The following EOGT variants were observed in gnomAD, a reference collection of about 807,000 sequenced individuals.
EOGT encodes the protein EGF domain-specific O-linked N-acetylglucosamine transferase.
A neutral mutation model predicts 70.5 loss-of-function variants in EOGT; 55 were observed. The observed-to-expected ratio is 0.78, with a 90% confidence interval of 0.63 to 0.98. The LOEUF (loss-of-function observed/expected upper bound fraction) is 0.98, where lower values mean the gene tolerates loss of function less well. Ranked by LOEUF, EOGT falls within the 50% of genes least tolerant of loss-of-function variation. EOGT has a pLI of 0.00. For missense variants in EOGT, 703 were observed against 641.9 expected, an observed-to-expected ratio of 1.10 and a Z score of -1.03; for synonymous variants, 246 against 217.1, an observed-to-expected ratio of 1.13 and a Z score of -1.17.
At chr3:69,000,903 T>C (rs993253470) in intron 9 of EOGT, among the ~76,000 whole-genome samples, 3 of 152,168 alleles carry the variant, frequency 2.0e-5, no homozygotes, top group African/African-American at 2.4e-5. Context: ...AGAAAGTTTG[T>C]CAGCGCAGGT....
At chr3:68,987,783 T>C in intron 13 of EOGT, 1 of 493,934 alleles carries the variant, frequency 2.0e-6, no homozygotes, top group Non-Finnish European at 3.6e-6. Context: ...TACATGAACA[T>C]TTGGGGAGGT....
At chr3:69,002,585 A>G (rs1351826924) in intron 8 of EOGT, among the ~76,000 whole-genome samples, 1 of 151,842 alleles carries the variant, frequency 6.6e-6, no homozygotes, top group Non-Finnish European at 1.5e-5. Context: ...GTAGATCATT[A>G]TTCTGAATGA....
intron 10 of EOGT, among the ~76,000 whole-genome samples, chr3:68,994,313 T>C (rs552981927): frequency 2.0e-5 from 3 of 152,134 alleles, no homozygotes; most frequent in African/African-American, 7.2e-5. Context: ...TCCTGGACTT[T>C]AGCCTGGGTG....
chr3:68,992,568 G>A (rs998688371), intron 10 of EOGT, among the ~76,000 whole-genome samples: 5 of 152,092 alleles, frequency 3.3e-5, no homozygotes, highest in Non-Finnish European at 5.9e-5. Context: ...GAGTGTCTGC[G>A]GCTCTTCCAG....
chr3:69,010,829 T>C (rs375444485), intron 3 of EOGT, among the ~76,000 whole-genome samples: 55 of 152,310 alleles, frequency 3.6e-4, no homozygotes, highest in African/African-American at 1.3e-3. Context: ...TAAAAAATTA[T>C]AATCATAATC....
At chr3:68,978,581 G>A in intron 16 of EOGT, 146 bp from the exon 17 acceptor site, 1 of 561,334 alleles carries the variant, frequency 1.8e-6, no homozygotes, top group Non-Finnish European at 3.1e-6. Context: ...ACAAGACTGA[G>A]GAAGAGAATG....
In EOGT at chr3:69,011,193, C is replaced by CTTTTTTT. The variant is rs57904466; in HGVS notation, c.-15+736_-15+742dup. ...AGGTCACTTTAGTGGGATCTTTGTT[C>CTTTTTTT]TTTTTTTTTTTTTAAGTGCTCTTTC... On this transcript the variant is annotated intron_variant, in intron 3 of 17. Coordinates refer to ENST00000383701, the MANE Select transcript of EOGT (RefSeq NM_001278689.2). 7.1e-5 allele frequency among the ~76,000 whole-genome samples: 8 copies of CTTTTTTT among 113,296 alleles called. 2 individuals are homozygous for CTTTTTTT. The highest frequency in any genetic ancestry group is 8.6e-5 in the Non-Finnish European group (5 of 58,244). 74.3% of individuals were successfully genotyped at this position (113,296 alleles called of 152,430 possible). A position where few individuals can be genotyped will look rare whatever the true frequency, so the allele number is the denominator to read the frequency against.
intron 6 of EOGT, among the ~76,000 whole-genome samples, chr3:69,005,590 G>A (rs2091420017): frequency 6.6e-6 from 1 of 152,080 alleles, no homozygotes. Flanking sequence ...ATATGAAAAA[G>A]CAGCTTCCAA....
At position 69,009,754 on chromosome 3, in the gene EOGT, G is replaced by C; in HGVS notation, c.93C>G (p.Gly31=). 1 of 1,613,996 alleles carries C rather than the reference G, an allele frequency of 6.2e-7. No individual in the cohort carries two copies. The highest frequency in any genetic ancestry group is 8.5e-7 in the Non-Finnish European group (1 of 1,179,962). The part of the protein sequence containing the change: ...EAPPNTHSIP[G]EPLYNYASIR... ...TGCTGGCATAGTTATACAGAGGTTC[G>C]CCTGGAATGCTGTGAGTATTAGGAG... Residue 31 remains glycine, a synonymous_variant, in exon 4 of 18, where the codon GGC becomes GGG. Coordinates refer to ENST00000383701, the MANE Select transcript of EOGT (RefSeq NM_001278689.2).
Position 69,009,837 on chromosome 3 carries a change from A to T in EOGT, c.10T>A (p.Leu4Met). ...TGAAGTAAGACTCCAAAGACAAACA[A>T]CATTAACATAGCAACCTGCAAACCT... is the stretch of plus-strand genomic sequence containing the variant. MLM[L>M]FVFGVLLHEV... Residue 4 changes from leucine (L) to methionine (M), a missense_variant, in exon 4 of 18, where the codon TTG becomes ATG. Physicochemically the swap from Leu to Met is conservative, Grantham distance 15. Coordinates refer to ENST00000383701, the MANE Select transcript of EOGT (RefSeq NM_001278689.2). 1 of 1,613,764 alleles carries T rather than the reference A, an allele frequency of 6.2e-7. No homozygotes were observed. The highest frequency in any genetic ancestry group is 8.5e-7 in the Non-Finnish European group (1 of 1,179,868).
intron 1 of EOGT, among the ~76,000 whole-genome samples, 165 bp downstream of exon 1, chr3:69,013,409 C>T (rs1015945942): frequency 5.9e-5 from 9 of 152,038 alleles, no homozygotes; most frequent in Non-Finnish European, 1.3e-4. Context: ...GCCCGCCTCC[C>T]GGCCCGCAGG....
chr3:69,007,858 T>C, intron 5 of EOGT, 37 bp from the exon 6 acceptor site: 2 of 1,494,014 alleles, frequency 1.3e-6, no homozygotes, highest in Non-Finnish European at 1.8e-6. Flanking sequence ...TTTTTTTCTT[T>C]TTACTTTTTT....
chr3:68,990,820 T>C (rs558081730), intron 10 of EOGT, among the ~76,000 whole-genome samples: 97 of 152,034 alleles, frequency 6.4e-4, no homozygotes, highest in African/African-American at 2.3e-3. Context: ...CTCTTTTTTA[T>C]AGCATTCTTT....
At chr3:68,988,174 C>T in intron 13 of EOGT, 121 bp downstream of exon 13, 1 of 731,518 alleles carries the variant, frequency 1.4e-6, no homozygotes, top group South Asian at 1.9e-5. Context: ...CTTGGCCTCC[C>T]CAGAAAATGT....
intron 10 of EOGT, among the ~76,000 whole-genome samples, chr3:68,991,038 A>G (rs928736748): frequency 2.6e-5 from 4 of 152,220 alleles, no homozygotes; most frequent in Non-Finnish European, 5.9e-5. Flanking sequence ...AAGTGATTCT[A>G]GATGGTTTCC....
chr3:68,995,696 C>G (rs1290138665), intron 10 of EOGT, among the ~76,000 whole-genome samples: 2 of 152,206 alleles, frequency 1.3e-5, no homozygotes, highest in Non-Finnish European at 2.9e-5. Context: ...TGGAAGCCAT[C>G]TGATAAATTT....
intron 7 of EOGT, 65 bp from the exon 8 acceptor site, chr3:69,004,547 GT>G: frequency 9.7e-7 from 1 of 1,032,126 alleles, no homozygotes; most frequent in South Asian, 1.3e-5. Flanking sequence ...CACGTGGGTT[GT>G]AACTAAAGTG....
intron 17 of EOGT, 32 bp downstream of exon 17, chr3:68,978,301 G>A: frequency 6.7e-7 from 1 of 1,498,514 alleles, no homozygotes; most frequent in Non-Finnish European, 9.3e-7. Flanking sequence ...AATTAAAAAT[G>A]AAGCAAGGTA....
At chr3:69,010,630 GT>G (rs1197413106) in intron 3 of EOGT, among the ~76,000 whole-genome samples, 6 of 152,144 alleles carry the variant, frequency 3.9e-5, no homozygotes, top group African/African-American at 1.2e-4. Context: ...TTGGTAAAGT[GT>G]TTCGAAAACT....
Sources: gnomAD v4.1 joint callset for allele counts (sites outside exome capture counted in the v4.1 genomes callset) on GRCh38, gnomAD v4.1.1 for gene constraint, MANE v1.5 for transcripts, NCBI Gene and HGNC (gene_info 2026-07-23, HGNC 2026-07-21) for gene names.